The following VWA5B1 variants were observed in gnomAD, a reference collection of about 807,000 sequenced individuals.
VWA5B1 encodes von Willebrand factor A domain containing 5B1, also known as von Willebrand factor A domain-containing protein 5B1.
Under a neutral mutation model 118.2 loss-of-function variants are expected in VWA5B1, and 115 were observed. The observed-to-expected ratio is 0.97, with a 90% CI of 0.84 to 1.14. The LOEUF is 1.14. VWA5B1 is among the 50% of genes most tolerant of loss of function. VWA5B1 has a pLI of 0.00. For missense variants in VWA5B1, 1,596 were observed against 1,603.8 expected, an observed-to-expected ratio of 1.00 and a Z score of 0.08; for synonymous variants, 682 against 658.4, an observed-to-expected ratio of 1.04 and a Z score of -0.55.
At chr1:20,347,870 A>G (rs2090041153) in intron 17 of VWA5B1, among the ~76,000 whole-genome samples, 1 of 152,148 alleles carries the variant, frequency 6.6e-6, no homozygotes, top group South Asian at 2.1e-4. Context: ...GATCTCTGAG[A>G]CAGTAAACAG....
At chr1:20,296,500 C>G (rs548126580) in intron 1 of VWA5B1, among the ~76,000 whole-genome samples, 1 of 152,262 alleles carries the variant, frequency 6.6e-6, no homozygotes, top group African/African-American at 2.4e-5. Flanking sequence ...AGAGAATATG[C>G]ACAACAATGA....
intron 1 of VWA5B1, among the ~76,000 whole-genome samples, chr1:20,309,030 C>T (rs1418089601): frequency 6.6e-6 from 1 of 152,124 alleles, no homozygotes; most frequent in East Asian, 1.9e-4. Context: ...CCATTCCCAC[C>T]CCACTTCTTC....
At chr1:20,296,322 G>A (rs2088406455) in intron 1 of VWA5B1, among the ~76,000 whole-genome samples, 1 of 152,194 alleles carries the variant, frequency 6.6e-6, no homozygotes, top group Non-Finnish European at 1.5e-5. Context: ...CCGTCAGGTG[G>A]GGTAAGCAGC....
intron 17 of VWA5B1, among the ~76,000 whole-genome samples, chr1:20,347,431 C>T (rs1297301427): frequency 6.6e-6 from 1 of 150,472 alleles, no homozygotes; most frequent in African/African-American, 2.5e-5. Context: ...GCTATAACTT[C>T]TTTCTTCTTC....
intron 15 of VWA5B1, 131 bp downstream of exon 15, chr1:20,342,740 C>A: frequency 1.7e-6 from 2 of 1,196,310 alleles, no homozygotes; most frequent in Non-Finnish European, 2.3e-6. Context: ...CGGCTCACCC[C>A]TCTCTGAGGA....
rs202148589 is a variant in VWA5B1 at position 20,314,556 on chromosome 1, C to T, written c.527C>T (p.Thr176Ile). Reference sequence around the variant, plus strand: ...GCCCCAACCGTGCCCCAGTTCTGCACCAAGAGCACTGGCACCTCCAACCAA... The same window carrying T: ...GCCCCAACCGTGCCCCAGTTCTGCATCAAGAGCACTGGCACCTCCAACCAA... ...VCAPTVPQFCTKSTGTSNQQA... is the reference protein window; with the variant it reads ...VCAPTVPQFCIKSTGTSNQQA... The change falls in exon 4 of 22, where the codon ACC (threonine) becomes ATC (isoleucine). Residue 176 changes from threonine to isoleucine, a missense_variant. Coordinates refer to ENST00000289815, the MANE Select transcript of VWA5B1 (RefSeq NM_001039500.3). 22 of 1,551,654 alleles carry T rather than the reference C, an allele frequency of 1.4e-5. No individual in the cohort carries two copies. In the Middle Eastern group the frequency reaches 1.2e-3, roughly 82 times the overall value.
At chr1:20,302,041 G>A (rs1315181225) in intron 1 of VWA5B1, among the ~76,000 whole-genome samples, 2 of 152,096 alleles carry the variant, frequency 1.3e-5, no homozygotes, top group African/African-American at 2.4e-5. Context: ...AAATGTGGAT[G>A]TGTCTATTTC....
chr1:20,355,078 A>G lies in VWA5B1; in HGVS notation c.*815A>G, dbSNP rs12034781. On this transcript the variant is annotated 3_prime_UTR_variant, in exon 22 of 22. Coordinates refer to ENST00000289815, the MANE Select transcript of VWA5B1 (RefSeq NM_001039500.3). Reference sequence around the variant, plus strand: ...GACATGGTCACAGAAGTCAATGAAGACACCAGACAACACCTTACTTAATTT... The same window carrying G: ...GACATGGTCACAGAAGTCAATGAAGGCACCAGACAACACCTTACTTAATTT... Among the ~76,000 whole-genome samples the G allele has an allele frequency of 0.15, 23,115 of 152,074 alleles. 2,333 individuals are homozygous for G. Among genetic ancestry groups the G allele is most frequent in the East Asian group, 0.57 (2,916 of 5,104 alleles).
intron 16 of VWA5B1, among the ~76,000 whole-genome samples, chr1:20,344,409 G>A (rs1195507519): frequency 6.6e-6 from 1 of 152,144 alleles, no homozygotes; most frequent in African/African-American, 2.4e-5. Context: ...CACTGGGCCC[G>A]GTAAACCAGC....
Position 20,350,651 on chromosome 1 carries a change from G to A in VWA5B1, c.2954-206G>A, listed in dbSNP as rs112611021. Among the ~76,000 whole-genome samples the A allele has an allele frequency of 3.0e-4, 45 of 152,330 alleles. 1 individual carries two copies. Among genetic ancestry groups the A allele is most frequent in the African/African-American group, 1.1e-3 (44 of 41,576 alleles). ...AGGGGCTGCCGGCCAAGGAATCTTAGAGGCCAGCTTTTTACAGGCAGACAT... is the reference window on the plus strand; with the variant it reads ...AGGGGCTGCCGGCCAAGGAATCTTAAAGGCCAGCTTTTTACAGGCAGACAT... On this transcript the variant is annotated intron_variant, in intron 19 of 21. Transcript: ENST00000289815.
chr1:20,318,242 G>A (rs1165387513), intron 5 of VWA5B1, among the ~76,000 whole-genome samples: 1 of 151,668 alleles, frequency 6.6e-6, no homozygotes, highest in Non-Finnish European at 1.5e-5. Flanking sequence ...AGTGTGAGGT[G>A]CGTTTATGGA....
Position 20,314,351 on chromosome 1 carries a change from G to A in VWA5B1, c.322G>A (p.Ala108Thr). The A allele has an allele frequency of 6.4e-7, 1 of 1,551,926 alleles. No individual in the cohort carries two copies. Among genetic ancestry groups the A allele is most frequent in the Non-Finnish European group, 8.7e-7 (1 of 1,147,032 alleles). The change falls in exon 4 of 22, where the codon GCC becomes ACC. Residue 108 changes from alanine to threonine, a missense_variant. Coordinates refer to ENST00000289815, the MANE Select transcript of VWA5B1 (RefSeq NM_001039500.3). ...CATTCTGCAAGACGGGGTTTCCATA[G>A]CCCCTCATTCCTGCACACCGGGAAA... ...GNILQDGVSI[A>T]PHSCTPGKVT...
rs1406583051 is a variant in VWA5B1, at chr1:20,352,056, C to A, written c.3025C>A (p.Leu1009Ile). The change falls in exon 21 of 22, where the codon CTA becomes ATA. Residue 1009 changes from leucine (L) to isoleucine (I), a missense_variant and splice_region_variant. Transcript: ENST00000289815. Reference protein sequence around the residue: ...KASENLFGSWLNLNKSRLLTR... With the variant: ...KASENLFGSWINLNKSRLLTR... ...GGCCACCTGACTTCACCTGCACAGG[C>A]TAAATCTCAACAAGTCCAGGCTACT... The A allele has an allele frequency of 1.3e-6, 2 of 1,550,932 alleles. No individual in the cohort carries two copies. Among genetic ancestry groups the A allele is most frequent in the Non-Finnish European group, 1.7e-6 (2 of 1,146,674 alleles).
At chr1:20,351,295 G>A (rs970560159) in intron 20 of VWA5B1, among the ~76,000 whole-genome samples, 7 of 152,066 alleles carry the variant, frequency 4.6e-5, no homozygotes, top group Non-Finnish European at 1.0e-4. Flanking sequence ...GAGGCAGGAG[G>A]ATCACTTGAG....
At chr1:20,330,513 C>A in intron 10 of VWA5B1, 131 bp downstream of exon 10, 4 of 1,147,456 alleles carry the variant, frequency 3.5e-6, no homozygotes, top group Non-Finnish European at 4.9e-6. Flanking sequence ...GCTTTGCTTC[C>A]AAGATAGTGT....
chr1:20,344,001 C>G (rs868434163), intron 16 of VWA5B1, among the ~76,000 whole-genome samples: 2 of 145,104 alleles, frequency 1.4e-5, no homozygotes, highest in Admixed American at 1.4e-4. Context: ...ACTGCTCCCC[C>G]ACTCCACCTC....
chr1:20,329,403 G>T (rs1192268350), intron 9 of VWA5B1, among the ~76,000 whole-genome samples: 3 of 142,130 alleles, frequency 2.1e-5, no homozygotes, highest in African/African-American at 7.9e-5. Flanking sequence ...CTGCCTCTCA[G>T]GTTCAAGCGA....
intron 8 of VWA5B1, among the ~76,000 whole-genome samples, chr1:20,323,844 A>G (rs2089296069): frequency 6.6e-6 from 1 of 152,138 alleles, no homozygotes; most frequent in Non-Finnish European, 1.5e-5. Context: ...GGGAAGTAAC[A>G]TTTGCTGAGG....
At chr1:20,320,110 C>A (rs2089161593) in intron 7 of VWA5B1, among the ~76,000 whole-genome samples, 2 of 152,192 alleles carry the variant, frequency 1.3e-5, no homozygotes, top group African/African-American at 2.4e-5. Context: ...CATGGTCCTG[C>A]ACACTGAGCC....
Sources: gnomAD v4.1 joint callset for allele counts (sites outside exome capture counted in the v4.1 genomes callset) on GRCh38, gnomAD v4.1.1 for gene constraint, MANE v1.5 for transcripts, NCBI Gene and HGNC (gene_info 2026-07-23, HGNC 2026-07-21) for gene names.